Variants in PRPF38B observed in about 807,000 individuals in gnomAD.
PRPF38B encodes the protein pre-mRNA-splicing factor 38B.
In PRPF38B, 18 loss-of-function variants were observed where a neutral mutation model predicts 67.2. The ratio of observed to expected loss-of-function variants is 0.27; its 90% confidence interval spans 0.19 to 0.40. The LOEUF (loss-of-function observed/expected upper bound fraction) is 0.40, where lower values mean the gene tolerates loss of function less well. Among genes scored for constraint, PRPF38B ranks in the 10% least tolerant of loss-of-function variants. The pLI, the probability that PRPF38B is intolerant of heterozygous loss-of-function variation, is 1.00. For synonymous variants in PRPF38B, 246 were observed against 234.2 expected, an observed-to-expected ratio of 1.05 and a Z score of -0.46; for missense variants, 544 against 684.9, an observed-to-expected ratio of 0.79 and a Z score of 2.30.
chr1:108,700,121 C>T lies in PRPF38B; in HGVS notation c.*101C>T. ...TGCAGTAGTTCGCACTCCTCAAGCT[C>T]TCCCTGTAGGCTGCATTTTCATTTC... On this transcript the variant is annotated 3_prime_UTR_variant, in exon 6 of 6. Coordinates refer to ENST00000370025, the MANE Select transcript of PRPF38B (RefSeq NM_018061.4). The T allele has an allele frequency of 6.8e-7, 1 of 1,460,800 alleles. No individual in the cohort carries two copies. The highest frequency in any genetic ancestry group is 9.0e-7 in the Non-Finnish European group (1 of 1,108,580). 90.5% of individuals were successfully genotyped at this position (1,460,800 alleles called of 1,614,324 possible).
At position 108,699,755 on chromosome 1, in the gene PRPF38B, A is replaced by T. The variant is rs1280505808; in HGVS notation, c.1376A>T (p.His459Leu). 1 of 1,613,524 alleles carries T rather than the reference A, an allele frequency of 6.2e-7. No homozygotes were observed. Among genetic ancestry groups the T allele is most frequent in the Non-Finnish European group, 8.5e-7 (1 of 1,179,884 alleles). Reference protein sequence around the residue: ...RSRSKEKSSKHKNESKEKSNK... With the variant: ...RSRSKEKSSKLKNESKEKSNK... ...AGAAGCAAAGAGAAATCAAGTAAAC[A>T]TAAAAATGAAAGTAAAGAAAAATCA... The change falls in exon 6 of 6, where the codon CAT becomes CTT. Residue 459 changes from histidine to leucine, a missense_variant. Coordinates refer to ENST00000370025, the MANE Select transcript of PRPF38B (RefSeq NM_018061.4).
chr1:108,693,588 A>G, intron 1 of PRPF38B: 2 of 984,812 alleles, frequency 2.0e-6, no homozygotes, highest in Non-Finnish European at 2.4e-6. Flanking sequence ...TTTCGTTAGC[A>G]GGATTGACTC....
Position 108,696,213 on chromosome 1 carries a change from A to G in PRPF38B, c.497+19A>G. ...ATATAAGGTGAGCGTACATTTATGTACATTTCCAGTAAATATCTCATTTTA... is the reference window on the plus strand; with the variant it reads ...ATATAAGGTGAGCGTACATTTATGTGCATTTCCAGTAAATATCTCATTTTA... On this transcript the variant is annotated intron_variant, in intron 3 of 5. Coordinates refer to ENST00000370025, the MANE Select transcript of PRPF38B (RefSeq NM_018061.4). 6.2e-7 allele frequency: 1 copy of G among 1,611,928 alleles called. No homozygotes were observed. Among genetic ancestry groups the G allele is most frequent in the South Asian group, 1.1e-5 (1 of 90,720 alleles).
Position 108,699,635 on chromosome 1 carries a change from C to A in PRPF38B, c.1256C>A (p.Ser419Tyr). 2 of 1,556,264 alleles carry A rather than the reference C, an allele frequency of 1.3e-6. No homozygotes were observed. Among genetic ancestry groups the A allele is most frequent in the Non-Finnish European group, 1.7e-6 (2 of 1,150,084 alleles). The change falls in exon 6 of 6, where the codon TCC becomes TAC. Residue 419 changes from serine (S) to tyrosine (Y), a missense_variant. Physicochemically the swap from Ser to Tyr is moderately radical, Grantham distance 144 (BLOSUM62 -2). This residue lies in a region of PRPF38B where 387 missense variants were observed against 386.1 expected (regional missense o/e 1.00). Transcript: ENST00000370025. The part of the protein sequence containing the change: ...DRRHRDDKRD[S>Y]KKEKKHSRSR... Reference sequence around the variant, plus strand: ...CGGCACAGAGATGACAAAAGAGATTCCAAGAAAGAGAAAAAACACAGTAGA... The same window carrying A: ...CGGCACAGAGATGACAAAAGAGATTACAAGAAAGAGAAAAAACACAGTAGA...
rs1243277490 is a variant in PRPF38B, at chr1:108,702,212, AC to A, written c.*2193del. The stretch of plus-strand genomic sequence containing the variant: ...GCAATCTCTGCTCACTGCAGCCTCC[AC>A]TTCCCTGGCTCAAGTGATCCTCCGA... On this transcript the variant is annotated 3_prime_UTR_variant, in exon 6 of 6. Transcript: ENST00000370025. Among the ~76,000 whole-genome samples the A allele has an allele frequency of 6.6e-6, 1 of 152,126 alleles. No individual in the cohort carries two copies. Among genetic ancestry groups the A allele is most frequent in the Non-Finnish European group, 1.5e-5 (1 of 68,018 alleles).
rs150038712 is a variant in PRPF38B, at chr1:108,699,347, G to A, written c.968G>A (p.Arg323Gln). ...KERRRSRSID[R>Q]GLERRRSRSR... ...CGGCGAAGATCCCGAAGTATTGACC[G>A]GGGGTTAGAACGCAGGCGCAGCAGA... Residue 323 changes from arginine to glutamine, a missense_variant, in exon 6 of 6, where the codon CGG (arginine) becomes CAG (glutamine). By Grantham distance (43) the Arg-to-Gln change is conservative (BLOSUM62 1). This residue lies in a region of PRPF38B where 387 missense variants were observed against 386.1 expected (regional missense o/e 1.00). Coordinates refer to ENST00000370025, the MANE Select transcript of PRPF38B (RefSeq NM_018061.4). 26 of 1,614,036 alleles carry A rather than the reference G, an allele frequency of 1.6e-5. No individual in the cohort carries two copies. The highest frequency in any genetic ancestry group is 1.2e-4 in the South Asian group (11 of 91,084).
At chr1:108,698,541 A>AATATTC (rs1420536640) in intron 4 of PRPF38B, 63 bp from the exon 5 acceptor site, 7 of 1,136,000 alleles carry the variant, frequency 6.2e-6, no homozygotes, top group Non-Finnish European at 8.8e-6. Context: ...ATATTTTTAT[A>AATATTC]ATATTCATGT....
At chr1:108,696,900 C>T (rs992395138) in intron 4 of PRPF38B, 26 of 548,318 alleles carry the variant, frequency 4.7e-5, no homozygotes, top group African/African-American at 3.7e-4. Context: ...ACACCACACA[C>T]ACCTTTAAAA....
Position 108,692,431 on chromosome 1 carries a change from G to T in PRPF38B, c.-161G>T. On this transcript the variant is annotated 5_prime_UTR_variant, in exon 1 of 6. Transcript: ENST00000370025. Reference sequence around the variant, plus strand: ...GCTCTTGGCCCGGGGTCATTTTGTCGGCGTCGGGTGCCCTCTCTTGCCCAG... The same window carrying T: ...GCTCTTGGCCCGGGGTCATTTTGTCTGCGTCGGGTGCCCTCTCTTGCCCAG... 2.5e-6 allele frequency: 2 copies of T among 801,152 alleles called. No homozygotes were observed. Among genetic ancestry groups the T allele is most frequent in the Non-Finnish European group, 3.8e-6 (2 of 526,294 alleles). The allele number at this position is 801,152 out of a possible 1,614,324, so 49.6% of individuals were successfully genotyped here.
chr1:108,699,416 AAGG>A lies in PRPF38B; in HGVS notation c.1038_1040del (p.Gly347del). Reference sequence around the variant, plus strand: ...AGTCGCAGTCGAAGTCGTGATAGGAAAGGGGATAGAAGGGACAGGGATCGAGAA... The same window carrying A: ...AGTCGCAGTCGAAGTCGTGATAGGAAGGATAGAAGGGACAGGGATCGAGAA... On this transcript the variant is annotated inframe_deletion, in exon 6 of 6. Transcript: ENST00000370025. 6.2e-7 allele frequency: 1 copy of A among 1,614,102 alleles called. No individual in the cohort carries two copies.
In PRPF38B at chr1:108,700,330, TTAAATTTGTATAAGGCAA is replaced by T. The variant is rs2101057658; in HGVS notation, c.*315_*332del. ...TCCTTTGGCATGGTTGCCATGTTGGTTAAATTTGTATAAGGCAATAAACTGCCACTAATCTATTTTTGT... is the reference window on the plus strand; with the variant it reads ...TCCTTTGGCATGGTTGCCATGTTGGTTAAACTGCCACTAATCTATTTTTGT... On this transcript the variant is annotated 3_prime_UTR_variant, in exon 6 of 6. Transcript: ENST00000370025. The T allele has an allele frequency of 4.0e-6, 1 of 247,208 alleles. No individual in the cohort carries two copies. Among genetic ancestry groups the T allele is most frequent in the Non-Finnish European group, 7.5e-6 (1 of 134,004 alleles). The allele number at this position is 247,208 out of a possible 1,614,324, so 15.3% of individuals were successfully genotyped here.
In PRPF38B at chr1:108,700,117, A is replaced by G. The variant is rs1172652526; in HGVS notation, c.*97A>G. Reference sequence around the variant, plus strand: ...ATTGTGCAGTAGTTCGCACTCCTCAAGCTCTCCCTGTAGGCTGCATTTTCA... The same window carrying G: ...ATTGTGCAGTAGTTCGCACTCCTCAGGCTCTCCCTGTAGGCTGCATTTTCA... On this transcript the variant is annotated 3_prime_UTR_variant, in exon 6 of 6. Transcript: ENST00000370025. 5 of 1,476,910 alleles carry G rather than the reference A, an allele frequency of 3.4e-6. No homozygotes were observed. The highest frequency in any genetic ancestry group is 1.4e-5 in the African/African-American group (1 of 70,980). The allele number at this position is 1,476,910 out of a possible 1,614,324, so 91.5% of individuals were successfully genotyped here.
rs1660445657 is a variant in PRPF38B at position 108,701,080 on chromosome 1, A to C, written c.*1060A>C. The C allele has an allele frequency of 6.6e-6, 1 of 152,640 alleles. No individual in the cohort carries two copies. The highest frequency in any genetic ancestry group is 2.4e-5 in the African/African-American group (1 of 41,464). 9.5% of individuals were successfully genotyped at this position (152,640 alleles called of 1,614,324 possible). A position where few individuals can be genotyped will look rare whatever the true frequency, so the allele number is the denominator to read the frequency against. On this transcript the variant is annotated 3_prime_UTR_variant, in exon 6 of 6. Coordinates refer to ENST00000370025, the MANE Select transcript of PRPF38B (RefSeq NM_018061.4). ...AGTATTAAAAGTAATGCTGTGCTGC[A>C]TTATTTAAGACTATCAGCAAATTAT... is the stretch of plus-strand genomic sequence containing the variant.
chr1:108,700,002 C>T lies in PRPF38B; in HGVS notation c.1623C>T (p.Asn541=), dbSNP rs764700309. 6 of 1,590,132 alleles carry T rather than the reference C, an allele frequency of 3.8e-6. No homozygotes were observed. Among genetic ancestry groups the T allele is most frequent in the Non-Finnish European group, 3.4e-6 (4 of 1,172,624 alleles). ...EQESQEKQHK[N]KDETV is the part of the protein sequence containing the mutation. ...AGAGCCAAGAAAAACAGCATAAAAACAAAGATGAGACTGTGTGAAAATATT... is the reference window on the plus strand; with the variant it reads ...AGAGCCAAGAAAAACAGCATAAAAATAAAGATGAGACTGTGTGAAAATATT... The change falls in exon 6 of 6, where the codon AAC becomes AAT. Residue 541 remains asparagine, a synonymous_variant. Transcript: ENST00000370025.
intron 1 of PRPF38B, among the ~76,000 whole-genome samples, chr1:108,694,496 A>C (rs996844392): frequency 1.3e-5 from 2 of 152,218 alleles, no homozygotes; most frequent in African/African-American, 2.4e-5. Flanking sequence ...ATACTCACTG[A>C]AATTTATAAG....
Position 108,692,340 on chromosome 1 carries a change from G to T in PRPF38B, c.-252G>T. 1.8e-6 allele frequency: 1 copy of T among 548,282 alleles called. No homozygotes were observed. The highest frequency in any genetic ancestry group is 3.2e-5 in the East Asian group (1 of 31,520). The allele number at this position is 548,282 out of a possible 1,614,324, so 34.0% of individuals were successfully genotyped here. A position where few individuals can be genotyped will look rare whatever the true frequency, so the allele number is the denominator to read the frequency against. On this transcript the variant is annotated 5_prime_UTR_variant, in exon 1 of 6. Coordinates refer to ENST00000370025, the MANE Select transcript of PRPF38B (RefSeq NM_018061.4). ...GTTCCCAGGGGCAGTTGGCGGAAGA[G>T]ATCGAGCTCCCTGGCTGCCGGCTCG...
rs1660366318 is a variant in PRPF38B at position 108,700,446 on chromosome 1, A to G, written c.*426A>G. 1 of 158,144 alleles carries G rather than the reference A, an allele frequency of 6.3e-6. No homozygotes were observed. Among genetic ancestry groups the G allele is most frequent in the East Asian group, 1.9e-4 (1 of 5,346 alleles). 9.8% of individuals were successfully genotyped at this position (158,144 alleles called of 1,614,324 possible). On this transcript the variant is annotated 3_prime_UTR_variant, in exon 6 of 6. Transcript: ENST00000370025. ...TGCTTTTCGTAATAGAATGCTAAAG[A>G]CTTTGAGAATGGATCTTGGATGTCT...
At chr1:108,695,669 A>C in intron 1 of PRPF38B, 33 bp from the exon 2 acceptor site, 1 of 1,605,738 alleles carries the variant, frequency 6.2e-7, no homozygotes, top group Admixed American at 1.7e-5. Flanking sequence ...TCAAAGTATG[A>C]ATGTTTGTTG....
At position 108,699,973 on chromosome 1, in the gene PRPF38B, CAA is replaced by C. The variant is rs1557773414; in HGVS notation, c.1595_1596del (p.Gln532ArgfsTer8). On this transcript the variant is annotated frameshift_variant, in exon 6 of 6. Transcript: ENST00000370025. LOFTEE classifies it high-confidence loss of function. The stretch of plus-strand genomic sequence containing the variant: ...TCGTCGAAGGAGCCAAAGTATAGAA[CAA>C]GAGAGCCAAGAAAAACAGCATAAAA... ...HDRRRSQSIEQESQEKQHKNK... is the reference protein window; with the variant it reads ...HDRRRSQSIEXESQEKQHKNK... The C allele has an allele frequency of 1.3e-6, 2 of 1,592,928 alleles. No individual in the cohort carries two copies. The highest frequency in any genetic ancestry group is 1.7e-6 in the Non-Finnish European group (2 of 1,174,556).
Sources: allele counts gnomAD v4.1 joint callset (sites outside exome capture counted in the v4.1 genomes callset), GRCh38; gene constraint gnomAD v4.1.1; regional missense constraint gnomAD v4.1.1; transcripts MANE v1.5; gene names NCBI Gene and HGNC (gene_info 2026-07-23, HGNC 2026-07-21).